Variants in CTNND2 observed in about 807,000 individuals in gnomAD.
The protein encoded by CTNND2 is catenin delta 2.
A neutral mutation model predicts 144.4 loss-of-function variants in CTNND2; 22 were observed. That is an observed-to-expected ratio of 0.15 (90% CI 0.11 to 0.22). The LOEUF is 0.22. Ranked by LOEUF, CTNND2 falls within the 10% of genes least tolerant of loss-of-function variation. The probability of loss-of-function intolerance (pLI) is 1.00; values close to 1 mark genes in which losing one functional copy is unlikely to be tolerated. For synonymous variants in CTNND2, 751 were observed against 695.6 expected (o/e 1.08, Z -1.25); for missense variants, 1,353 against 1,618.8 (o/e 0.84, Z 2.82).
At chr5:11,188,447 G>T (rs2149811039) in intron 11 of CTNND2, among the ~76,000 whole-genome samples, 1 of 152,250 alleles carries the variant, frequency 6.6e-6, no homozygotes, top group East Asian at 1.9e-4. Context: ...AACCCACACT[G>T]GGGCCAGTCA....
chr5:11,891,378 C>A (rs12518167), intron 1 of CTNND2, among the ~76,000 whole-genome samples: 28,961 of 152,132 alleles, frequency 0.19, 3,207 homozygotes, highest in Admixed American at 0.27. Flanking sequence ...AAATCTGCCA[C>A]CAGAGATTGG....
chr5:11,198,839 T>A (rs1282376757), intron 11 of CTNND2, among the ~76,000 whole-genome samples: 2 of 152,228 alleles, frequency 1.3e-5, no homozygotes, highest in Non-Finnish European at 1.5e-5. Flanking sequence ...ATGTATTCCA[T>A]ATATGTGCCA....
intron 2 of CTNND2, among the ~76,000 whole-genome samples, chr5:11,672,290 C>T (rs1783912869): frequency 1.3e-5 from 2 of 152,204 alleles, no homozygotes; most frequent in South Asian, 2.1e-4. Flanking sequence ...CAGTCTGTCC[C>T]TTATCAGAGC....
intron 1 of CTNND2, among the ~76,000 whole-genome samples, chr5:11,735,326 A>C (rs1373991850): frequency 6.6e-6 from 1 of 152,192 alleles, no homozygotes; most frequent in Non-Finnish European, 1.5e-5. Flanking sequence ...AGTTCAGCAA[A>C]TGTTGTGCCC....
intron 1 of CTNND2, among the ~76,000 whole-genome samples, chr5:11,787,632 T>G (rs900844018): frequency 7.9e-5 from 12 of 152,234 alleles, no homozygotes; most frequent in Non-Finnish European, 1.8e-4. Context: ...TTTGAAATAC[T>G]TGGTTGGTTA....
chr5:11,664,561 C>G (rs987611063), intron 2 of CTNND2, among the ~76,000 whole-genome samples: 38 of 152,182 alleles, frequency 2.5e-4, no homozygotes, highest in Non-Finnish European at 4.8e-4. Context: ...AGCCTGGTGA[C>G]AGAGTGAAAC....
intron 2 of CTNND2, among the ~76,000 whole-genome samples, chr5:11,709,070 G>A (rs1270113944): frequency 2.6e-5 from 4 of 152,196 alleles, no homozygotes; most frequent in Non-Finnish European, 5.9e-5. Flanking sequence ...TAAGATTGAA[G>A]AATGGCAGTG....
intron 11 of CTNND2, among the ~76,000 whole-genome samples, chr5:11,170,612 C>A (rs1759809145): frequency 6.6e-6 from 1 of 151,918 alleles, no homozygotes; most frequent in Non-Finnish European, 1.5e-5. Context: ...ACAGCTACAA[C>A]CTTCTGTGGG....
Position 11,400,070 on chromosome 5 carries a change from T to C in CTNND2, c.440-2867A>G, listed in dbSNP as rs560026864. 9.8e-5 allele frequency among the ~76,000 whole-genome samples: 15 copies of C among 152,320 alleles called. No individual in the cohort carries two copies. The South Asian group carries it at 2.3e-3, about 23-fold the overall frequency. On this transcript the variant is annotated intron_variant, in intron 5 of 21. Coordinates refer to ENST00000304623, the MANE Select transcript of CTNND2 (RefSeq NM_001332.4). ...TGTGCAATGAGGTAGAAAATACAAA[T>C]TTGCCAAGGATTTAAAAAGCATTTA...
In CTNND2 at chr5:10,973,540, G is replaced by A. The variant is rs747366525; in HGVS notation, c.3591C>T (p.Tyr1197=). Residue 1197 remains tyrosine (Y), a synonymous_variant, in exon 22 of 22, where the codon TAC becomes TAT. Transcript: ENST00000304623. The surrounding 1 kb of genome is among the most constrained non-coding windows in gnomAD (Gnocchi z 5.6). Reference sequence around the variant, plus strand: ...GACGGGCAGCTGAGTAGAAGTCAACGTAGTTGCCGGTGGACTTGAGACCCA... The same window carrying A: ...GACGGGCAGCTGAGTAGAAGTCAACATAGTTGCCGGTGGACTTGAGACCCA... The part of the protein sequence containing the change: ...MHLGLKSTGN[Y]VDFYSAARPY... 9.9e-6 allele frequency: 16 copies of A among 1,614,012 alleles called. No individual in the cohort carries two copies. The highest frequency in any genetic ancestry group is 1.6e-4 in the Middle Eastern group (1 of 6,084).
intron 2 of CTNND2, among the ~76,000 whole-genome samples, chr5:11,715,300 C>G (rs955310625): frequency 6.6e-6 from 1 of 152,130 alleles, no homozygotes; most frequent in Non-Finnish European, 1.5e-5. Flanking sequence ...AGCATTACAT[C>G]TTCAGGTTGT....
At chr5:11,755,493 C>A (rs919751073) in intron 1 of CTNND2, among the ~76,000 whole-genome samples, 1 of 151,702 alleles carries the variant, frequency 6.6e-6, no homozygotes, top group African/African-American at 2.4e-5. Flanking sequence ...GCCTCTCTAG[C>A]AAGGCTAGGA....
intron 2 of CTNND2, among the ~76,000 whole-genome samples, chr5:11,695,001 A>G (rs1167721087): frequency 2.6e-5 from 4 of 152,246 alleles, no homozygotes; most frequent in South Asian, 4.1e-4. Flanking sequence ...AAAATGTTAC[A>G]TACAAACATG....
intron 11 of CTNND2, among the ~76,000 whole-genome samples, chr5:11,161,089 C>T (rs1758725230): frequency 6.6e-6 from 1 of 152,296 alleles, no homozygotes; most frequent in Middle Eastern, 3.4e-3. Flanking sequence ...TCCTTCAGTA[C>T]AGGGGGTTAA....
chr5:11,229,022 A>G (rs1740680054), intron 10 of CTNND2, among the ~76,000 whole-genome samples: 1 of 152,234 alleles, frequency 6.6e-6, no homozygotes, highest in Non-Finnish European at 1.5e-5. Context: ...GTGTAAGTTT[A>G]CTATATAAGA....
Position 11,296,654 on chromosome 5 carries a change from TA to T in CTNND2, c.1628+49717del, listed in dbSNP as rs1400309764. Among the ~76,000 whole-genome samples the T allele has an allele frequency of 2.6e-5, 4 of 152,116 alleles. No individual in the cohort carries two copies. The East Asian group carries it at 7.7e-4, about 29-fold the overall frequency. On this transcript the variant is annotated intron_variant, in intron 9 of 21. Coordinates refer to ENST00000304623, the MANE Select transcript of CTNND2 (RefSeq NM_001332.4). ...TACACCATGGAATACTATGCAGCCA[TA>T]AAAAATGATGAGTTCATGTCCTTTG...
intron 18 of CTNND2, among the ~76,000 whole-genome samples, chr5:11,005,827 T>G (rs1740423634): frequency 6.6e-6 from 1 of 152,138 alleles, no homozygotes; most frequent in Admixed American, 6.5e-5. Context: ...GATAGAGAAA[T>G]AAATGTGGAT....
intron 11 of CTNND2, among the ~76,000 whole-genome samples, chr5:11,178,857 G>A (rs1313219074): frequency 1.3e-5 from 2 of 152,088 alleles, no homozygotes; most frequent in Non-Finnish European, 2.9e-5. Context: ...GCCTTATATT[G>A]AAATTTAACT....
chr5:10,981,752 A>G, intron 21 of CTNND2, 21 bp downstream of exon 21: 1 of 1,598,564 alleles, frequency 6.3e-7, no homozygotes, highest in Non-Finnish European at 8.6e-7. Flanking sequence ...AGGAAATACA[A>G]ACGTGTTGCA....
Sources: gnomAD v4.1 joint callset for allele counts (sites outside exome capture counted in the v4.1 genomes callset) on GRCh38, gnomAD v4.1.1 for gene constraint, Gnocchi (gnomAD v3.1) non-coding constraint, MANE v1.5 for transcripts, NCBI Gene and HGNC (gene_info 2026-07-23, HGNC 2026-07-21) for gene names.